Variants in PRDX6 observed in about 807,000 individuals in gnomAD.
PRDX6 encodes the protein peroxiredoxin-6.
In PRDX6, 13 loss-of-function variants were observed where a neutral mutation model predicts 20.0. The ratio of observed to expected loss-of-function variants is 0.65; its 90% CI spans 0.42 to 1.03. PRDX6 has a LOEUF of 1.03. Ranked by LOEUF, PRDX6 falls within the 50% of genes least tolerant of loss-of-function variation. The pLI is 0.00. For missense variants in PRDX6, 203 were observed against 276.9 expected (o/e 0.73, Z 1.89); for synonymous variants, 85 against 100.8 (o/e 0.84, Z 0.94).
chr1:173,480,403 T>C (rs1038758399), intron 1 of PRDX6, among the ~76,000 whole-genome samples: 27 of 152,212 alleles, frequency 1.8e-4, no homozygotes, highest in African/African-American at 6.3e-4. Flanking sequence ...TTTAAGTTGA[T>C]GGGGATGTGG....
intron 4 of PRDX6, 30 bp from the exon 5 acceptor site, chr1:173,487,705 A>AATTTCACC (rs753304916): frequency 1.9e-6 from 3 of 1,612,178 alleles, no homozygotes; most frequent in Non-Finnish European, 2.5e-6. Flanking sequence ...TATGAGATTG[A>AATTTCACC]ATTTCACCAT....
Position 173,488,334 on chromosome 1 carries a change from C to A in PRDX6, c.*471C>A, listed in dbSNP as rs1365405721. The A allele has an allele frequency of 6.5e-6, 1 of 153,026 alleles. No homozygotes were observed. Among genetic ancestry groups the A allele is most frequent in the Non-Finnish European group, 1.5e-5 (1 of 68,656 alleles). The allele number at this position is 153,026 out of a possible 1,614,324, so 9.5% of individuals were successfully genotyped here. ...TAAAGCCCAGGAACTTCTAGAATAA[C>A]CCAGATGCGCTTTAATTTTTTTTAA... On this transcript the variant is annotated 3_prime_UTR_variant, in exon 5 of 5. Coordinates refer to ENST00000340385, the MANE Select transcript of PRDX6 (RefSeq NM_004905.3).
chr1:173,477,772 G>C lies in PRDX6; in HGVS notation c.95+280G>C, dbSNP rs12729437. Among the ~76,000 whole-genome samples the C allele has an allele frequency of 4.2e-3, 640 of 152,340 alleles. 1 individual carries two copies. The highest frequency in any genetic ancestry group is 0.01 in the Middle Eastern group (3 of 294). On this transcript the variant is annotated intron_variant, in intron 1 of 4. Coordinates refer to ENST00000340385, the MANE Select transcript of PRDX6 (RefSeq NM_004905.3). ...TGGCTGGGCAAGGCCACGCCAAGGT[G>C]GGGGGTGGGGAGGATAAAATTGTGT...
chr1:173,487,704 G>A (rs764981388), intron 4 of PRDX6, 31 bp from the exon 5 acceptor site: 2 of 1,612,268 alleles, frequency 1.2e-6, no homozygotes, highest in South Asian at 2.2e-5. Flanking sequence ...CTATGAGATT[G>A]AATTTCACCA....
chr1:173,485,228 A>G, intron 2 of PRDX6, 133 bp from the exon 3 acceptor site: 1 of 843,176 alleles, frequency 1.2e-6, no homozygotes. Flanking sequence ...ACTTTTTAAA[A>G]TTAAAATTGC....
chr1:173,481,246 C>G (rs879069125), intron 1 of PRDX6, 80 bp from the exon 2 acceptor site: 1 of 1,359,396 alleles, frequency 7.4e-7, no homozygotes, highest in South Asian at 1.3e-5. Flanking sequence ...GTTTTTGATC[C>G]AGAAGTTGTG....
rs987116213 is a variant in PRDX6, at chr1:173,488,401, T to C, written c.*538T>C. 6.6e-5 allele frequency: 10 copies of C among 151,912 alleles called. No homozygotes were observed. Among genetic ancestry groups the C allele is most frequent in the Non-Finnish European group, 1.0e-4 (7 of 67,968 alleles). The allele number at this position is 151,912 out of a possible 1,614,324, so 9.4% of individuals were successfully genotyped here. A position where few individuals can be genotyped will look rare whatever the true frequency, so the allele number is the denominator to read the frequency against. The stretch of plus-strand genomic sequence containing the variant: ...AACTTCTAGAATAACCCAGATGCTC[T>C]TTCATATTCTTTTAATACATCTTGA... On this transcript the variant is annotated 3_prime_UTR_variant, in exon 5 of 5. Coordinates refer to ENST00000340385, the MANE Select transcript of PRDX6 (RefSeq NM_004905.3).
intron 2 of PRDX6, among the ~76,000 whole-genome samples, chr1:173,483,693 A>C (rs966626895): frequency 5.9e-5 from 9 of 152,318 alleles, no homozygotes; most frequent in African/African-American, 2.2e-4. Context: ...GCCTACACAC[A>C]ATAGACGTTA....
chr1:173,487,636 C>A, intron 4 of PRDX6, 99 bp from the exon 5 acceptor site: 1 of 1,334,188 alleles, frequency 7.5e-7, no homozygotes, highest in Non-Finnish European at 1.0e-6. Flanking sequence ...CTTGATTAGT[C>A]TCATTAGCAC....
chr1:173,482,409 A>C lies in PRDX6; in HGVS notation c.252+927A>C, dbSNP rs114421403. On this transcript the variant is annotated intron_variant, in intron 2 of 4. Coordinates refer to ENST00000340385, the MANE Select transcript of PRDX6 (RefSeq NM_004905.3). ...CTAGTAGAGTATAAACTCAGCAGGA[A>C]CAGAGACTCCTGTTTAGTGCACTGC... 9.0e-3 allele frequency among the ~76,000 whole-genome samples: 1,369 copies of C among 152,334 alleles called. 18 individuals are homozygous for C. Among genetic ancestry groups the C allele is most frequent in the African/African-American group, 0.03 (1,256 of 41,572 alleles).
intron 1 of PRDX6, among the ~76,000 whole-genome samples, chr1:173,479,798 G>A (rs1658771247): frequency 6.6e-6 from 1 of 152,192 alleles, no homozygotes; most frequent in Non-Finnish European, 1.5e-5. Flanking sequence ...TAGCCATGAG[G>A]TAAACTGGAG....
chr1:173,481,493 A>G lies in PRDX6; in HGVS notation c.252+11A>G, dbSNP rs1331214258. 1.2e-6 allele frequency: 2 copies of G among 1,612,466 alleles called. No individual in the cohort carries two copies. The highest frequency in any genetic ancestry group is 1.7e-5 in the Admixed American group (1 of 60,008). On this transcript the variant is annotated intron_variant, in intron 2 of 4. Transcript: ENST00000340385. ...CTTGCCTGGAGCAAGGTTAGTATCA[A>G]TTGGCATGTGCTTTGAGCCTGAGAT...
At chr1:173,483,092 T>C (rs1267391463) in intron 2 of PRDX6, among the ~76,000 whole-genome samples, 1 of 152,220 alleles carries the variant, frequency 6.6e-6, no homozygotes, top group Non-Finnish European at 1.5e-5. Flanking sequence ...ATGATGCAAG[T>C]GGCAGAGTAG....
At chr1:173,485,300 G>A (rs1469824187) in intron 2 of PRDX6, 61 bp from the exon 3 acceptor site, 3 of 1,461,622 alleles carry the variant, frequency 2.1e-6, no homozygotes, top group Admixed American at 2.2e-5. Context: ...GCTGTTAACT[G>A]ATGAAATTCA....
intron 4 of PRDX6, among the ~76,000 whole-genome samples, chr1:173,487,341 T>C (rs34404886): frequency 6.6e-6 from 1 of 152,230 alleles, no homozygotes; most frequent in East Asian, 1.9e-4. Flanking sequence ...AAACTGGGCC[T>C]ACAAGTGAGC....
intron 4 of PRDX6, 94 bp downstream of exon 4, chr1:173,486,495 C>G: frequency 7.6e-7 from 1 of 1,308,448 alleles, no homozygotes; most frequent in South Asian, 1.6e-5. Context: ...GTTTCTAGCA[C>G]GCAAGTACAC....
chr1:173,486,840 C>T (rs767278062), intron 4 of PRDX6, among the ~76,000 whole-genome samples: 6 of 152,154 alleles, frequency 3.9e-5, no homozygotes, highest in Non-Finnish European at 7.4e-5. Context: ...CTAGAATTCT[C>T]CAAAATTTGT....
chr1:173,485,576 A>G, intron 3 of PRDX6, 69 bp downstream of exon 3: 2 of 1,381,104 alleles, frequency 1.4e-6, no homozygotes, highest in Non-Finnish European at 2.0e-6. Context: ...AAATGCTGGT[A>G]CCAGCTAGAG....
intron 1 of PRDX6, among the ~76,000 whole-genome samples, chr1:173,478,744 C>T (rs1658751105): frequency 6.6e-6 from 1 of 152,144 alleles, no homozygotes; most frequent in Non-Finnish European, 1.5e-5. Context: ...CAGGGCTGTG[C>T]AGAGAACCAG....
Sources: gnomAD v4.1 joint callset for allele counts (sites outside exome capture counted in the v4.1 genomes callset) on GRCh38, gnomAD v4.1.1 for gene constraint, MANE v1.5 for transcripts, NCBI Gene and HGNC (gene_info 2026-07-23, HGNC 2026-07-21) for gene names.